Variants in PYGL observed in about 807,000 individuals in gnomAD.
PYGL encodes glycogen phosphorylase, liver form.
A neutral mutation model predicts 100.1 loss-of-function variants in PYGL; 90 were observed. The ratio of observed to expected loss-of-function variants is 0.90; its 90% CI spans 0.76 to 1.07. The LOEUF (loss-of-function observed/expected upper bound fraction) is 1.07. PYGL is among the 50% of genes least tolerant of loss of function. PYGL has a pLI of 0.00. For synonymous variants in PYGL, 373 were observed against 393.0 expected (o/e 0.95, Z 0.60); for missense variants, 1,016 against 1,057.6 (o/e 0.96, Z 0.55).
At chr14:50,929,910 G>T (rs948798799) in intron 4 of PYGL, among the ~76,000 whole-genome samples, 1 of 152,094 alleles carries the variant, frequency 6.6e-6, no homozygotes, top group East Asian at 1.9e-4. Context: ...ATTTCTTACA[G>T]AAAATGAGAT....
In PYGL at chr14:50,937,794, A is replaced by T; in HGVS notation, c.287T>A (p.Leu96Ter). 6.2e-7 allele frequency: 1 copy of T among 1,614,116 alleles called. No individual in the cohort carries two copies. Among genetic ancestry groups the T allele is most frequent in the Non-Finnish European group, 8.5e-7 (1 of 1,179,972 alleles). Residue 96 changes from leucine to a stop codon, truncating the protein, a stop_gained, in exon 2 of 20, where the codon TTA (leucine) becomes TAA (stop). Transcript: ENST00000216392. LOFTEE classifies it high-confidence loss of function. ...LSLEFYMGRT[L>*]QNTMINLGLQ... is the part of the protein sequence containing the mutation. ...ACCGAGGTTGATCATGGTGTTCTGT[A>T]ATGTTCGGCCCATGTAAAATTCCAG...
intron 4 of PYGL, among the ~76,000 whole-genome samples, chr14:50,925,229 A>G (rs2050536682): frequency 6.6e-6 from 1 of 152,244 alleles, no homozygotes; most frequent in Non-Finnish European, 1.5e-5. Context: ...TAGAAATAGT[A>G]CAGTAAAAAT....
chr14:50,929,551 G>A (rs965457092), intron 4 of PYGL, among the ~76,000 whole-genome samples: 9 of 151,100 alleles, frequency 6.0e-5, no homozygotes, highest in Non-Finnish European at 1.0e-4. Context: ...ATATACCTGA[G>A]ACAAAAAAAA....
chr14:50,944,274 G>C lies in PYGL; in HGVS notation c.130C>G (p.Arg44Gly). The C allele has an allele frequency of 6.2e-7, 1 of 1,613,952 alleles. No individual in the cohort carries two copies. The highest frequency in any genetic ancestry group is 1.1e-5 in the South Asian group (1 of 91,088). Residue 44 changes from arginine (R) to glycine (G), a missense_variant, in exon 1 of 20, where the codon CGC becomes GGC. By Grantham distance (125) the Arg-to-Gly change is moderately radical. Coordinates refer to ENST00000216392, the MANE Select transcript of PYGL (RefSeq NM_002863.5). ...TAGTCGCGGGTGGTGGCCACGTTGC[G>C]GTCCTTGACCAGCGTGAAGTGCAGG... is the stretch of plus-strand genomic sequence containing the variant. ...RHLHFTLVKDRNVATTRDYYF... is the reference protein window; with the variant it reads ...RHLHFTLVKDGNVATTRDYYF...
At position 50,909,980 on chromosome 14, in the gene PYGL, C is replaced by T; in HGVS notation, c.2092G>A (p.Val698Met). Residue 698 changes from valine to methionine, a missense_variant, in exon 17 of 20, where the codon GTG (valine) becomes ATG (methionine). By Grantham distance (21) the Val-to-Met change is conservative. Transcript: ENST00000216392. The part of the protein sequence containing the change: ...LTIGTMDGAN[V>M]EMAEEAGEEN... ...TCCCCAGCTTCTTCTGCCATTTCCA[C>T]ATTGGCCCCATCCATGGTCCCGATA... 2 of 1,614,264 alleles carry T rather than the reference C, an allele frequency of 1.2e-6. No individual in the cohort carries two copies. The highest frequency in any genetic ancestry group is 1.1e-5 in the South Asian group (1 of 91,086).
At chr14:50,907,486 T>C (rs888913474) in intron 19 of PYGL, among the ~76,000 whole-genome samples, 14 of 152,278 alleles carry the variant, frequency 9.2e-5, no homozygotes, top group African/African-American at 2.4e-4. Flanking sequence ...ATCTGTACTA[T>C]GATGAAGCTA....
At chr14:50,934,381 C>A (rs1285380474) in intron 3 of PYGL, among the ~76,000 whole-genome samples, 1 of 152,096 alleles carries the variant, frequency 6.6e-6, no homozygotes, top group Non-Finnish European at 1.5e-5. Flanking sequence ...AGCAACTTAA[C>A]TTAGGTCATG....
At chr14:50,908,052 T>C in intron 19 of PYGL, 1 of 392,986 alleles carries the variant, frequency 2.5e-6, no homozygotes, top group Middle Eastern at 7.5e-4. Flanking sequence ...TTACAACTCC[T>C]GCTGAAATGT....
intron 12 of PYGL, among the ~76,000 whole-genome samples, chr14:50,913,877 G>C (rs1278035152): frequency 6.6e-6 from 1 of 151,746 alleles, no homozygotes; most frequent in South Asian, 2.1e-4. Context: ...TTGTAGAGAC[G>C]GGTGGTGGTG....
intron 4 of PYGL, among the ~76,000 whole-genome samples, chr14:50,929,091 C>T (rs1460135318): frequency 6.6e-6 from 1 of 151,986 alleles, no homozygotes; most frequent in East Asian, 1.9e-4. Context: ...CACTCACTTG[C>T]CCAGACTGGT....
At chr14:50,910,715 G>A (rs986338439) in intron 16 of PYGL, among the ~76,000 whole-genome samples, 3 of 152,148 alleles carry the variant, frequency 2.0e-5, no homozygotes, top group Non-Finnish European at 4.4e-5. Flanking sequence ...GTCCCTCCAG[G>A]ACTCCTCTTT....
intron 4 of PYGL, among the ~76,000 whole-genome samples, chr14:50,925,424 A>G (rs2050538881): frequency 6.6e-6 from 1 of 152,194 alleles, no homozygotes; most frequent in Non-Finnish European, 1.5e-5. Context: ...TGTCAATGAG[A>G]TAATCTCCAA....
intron 2 of PYGL, 136 bp from the exon 3 acceptor site, chr14:50,935,321 C>A: frequency 1.3e-6 from 1 of 744,112 alleles, no homozygotes; most frequent in South Asian, 1.5e-5. Context: ...TCCCTTGCAG[C>A]TTGTTCTGGC....
At chr14:50,918,951 C>T (rs1362504387) in intron 7 of PYGL, among the ~76,000 whole-genome samples, 2 of 152,116 alleles carry the variant, frequency 1.3e-5, no homozygotes, top group Non-Finnish European at 2.9e-5. Context: ...CTGACCTATG[C>T]CAGGGCTATG....
Position 50,905,411 on chromosome 14 carries a change from T to C in PYGL, c.2525A>G (p.Asn842Ser). The change falls in exon 20 of 20, where the codon AAC becomes AGC. Residue 842 changes from asparagine (N) to serine (S), a missense_variant. Physicochemically the swap from Asn to Ser is conservative, Grantham distance 46. Coordinates refer to ENST00000216392, the MANE Select transcript of PYGL (RefSeq NM_002863.5). ...TAGAGTTCAATTTCCATTGACTTTG[T>C]TAGATTCATTGGATAGAGAAATCTT... ...DLKISLSNES[N>S]KVNGN The C allele has an allele frequency of 6.2e-7, 1 of 1,613,348 alleles. No homozygotes were observed. The highest frequency in any genetic ancestry group is 2.2e-5 in the East Asian group (1 of 44,878).
At chr14:50,941,715 TA>T (rs1289967856) in intron 1 of PYGL, among the ~76,000 whole-genome samples, 1 of 152,072 alleles carries the variant, frequency 6.6e-6, no homozygotes, top group Non-Finnish European at 1.5e-5. Flanking sequence ...CTGTCGCTAC[TA>T]AAAATACAAA....
chr14:50,905,608 T>A, intron 19 of PYGL, 52 bp from the exon 20 acceptor site: 1 of 1,571,880 alleles, frequency 6.4e-7, no homozygotes, highest in Non-Finnish European at 8.8e-7. Flanking sequence ...GCAGTGAGCT[T>A]TATAATAAAC....
intron 19 of PYGL, 150 bp from the exon 20 acceptor site, chr14:50,905,706 G>A (rs1596028702): frequency 1.2e-6 from 1 of 820,192 alleles, no homozygotes; most frequent in Non-Finnish European, 2.0e-6. Context: ...TTTGTCTGTT[G>A]AGAGGTAGAA....
chr14:50,922,020 T>C (rs1161899722), intron 5 of PYGL, among the ~76,000 whole-genome samples: 2 of 152,236 alleles, frequency 1.3e-5, no homozygotes, highest in Non-Finnish European at 2.9e-5. Context: ...TCTAGCTTGA[T>C]CTTTGTGACA....
Sources: gnomAD v4.1 joint callset for allele counts (sites outside exome capture counted in the v4.1 genomes callset) on GRCh38, gnomAD v4.1.1 for gene constraint, MANE v1.5 for transcripts, NCBI Gene and HGNC (gene_info 2026-07-23, HGNC 2026-07-21) for gene names.